Variants in SLC26A6 observed in about 807,000 individuals in gnomAD.
The protein encoded by SLC26A6 is solute carrier family 26 member 6.
SLC26A6 carries 67 observed loss-of-function variants against 87.1 expected under a neutral mutation model. That is an observed-to-expected ratio of 0.77 (90% confidence interval 0.63 to 0.94). The LOEUF (loss-of-function observed/expected upper bound fraction) is 0.94, where lower values mean the gene tolerates loss of function less well. Ranked by LOEUF, SLC26A6 falls within the 40% of genes least tolerant of loss-of-function variation. The probability of loss-of-function intolerance (pLI) is 0.00; values close to 1 mark genes in which losing one functional copy is unlikely to be tolerated. For synonymous variants in SLC26A6, 414 were observed against 405.9 expected (o/e 1.02, Z -0.24); for missense variants, 902 against 973.0 (o/e 0.93, Z 0.97).
At chr3:48,626,190 G>C (rs771488752) in intron 20 of SLC26A6, 28 bp downstream of exon 20, 50 of 1,613,738 alleles carry the variant, frequency 3.1e-5, no homozygotes, top group Non-Finnish European at 3.9e-5. Context: ...TAACAAAAAA[G>C]AGCTTGGCAG....
Position 48,633,620 on chromosome 3 carries a change from C to T in SLC26A6, c.39G>A (p.Gln13=). The T allele has an allele frequency of 6.2e-7, 1 of 1,613,520 alleles. No individual in the cohort carries two copies. Among genetic ancestry groups the T allele is most frequent in the Non-Finnish European group, 8.5e-7 (1 of 1,179,978 alleles). The stretch of plus-strand genomic sequence containing the variant: ...TTGCTTGTGTTGCAGACAGCAGTGC[C>T]TGTGTGTCCCTCGGTCTGGGGTGGC... ...LADASGPRDT[Q]ALLSATQAMD... The change falls in exon 2 of 21, where the codon CAG becomes CAA. Residue 13 remains glutamine, a synonymous_variant. Transcript: ENST00000395550.
chr3:48,633,929 T>G (rs1575532448), intron 1 of SLC26A6: 1 of 1,242,054 alleles, frequency 8.1e-7, no homozygotes, highest in Non-Finnish European at 1.0e-6. Context: ...CAGTGCTGAG[T>G]GTTCTACCAG....
chr3:48,632,221 C>T, intron 5 of SLC26A6, 24 bp downstream of exon 5: 1 of 1,571,816 alleles, frequency 6.4e-7, no homozygotes, highest in Non-Finnish European at 8.6e-7. Flanking sequence ...TGGTGGGGGG[C>T]ACATACTCCT....
chr3:48,626,514 C>T, intron 19 of SLC26A6, 117 bp downstream of exon 19: 1 of 1,544,070 alleles, frequency 6.5e-7, no homozygotes, highest in Non-Finnish European at 8.9e-7. Context: ...TCTCCCAGGA[C>T]ACCTCTGACC....
rs1480336219 is a variant in SLC26A6 at position 48,625,723 on chromosome 3, T to G, written c.*263A>C. 5.2e-6 allele frequency: 3 copies of G among 577,960 alleles called. No homozygotes were observed. Among genetic ancestry groups the G allele is most frequent in the East Asian group, 6.1e-5 (2 of 33,008 alleles). 35.8% of individuals were successfully genotyped at this position (577,960 alleles called of 1,614,324 possible). A position where few individuals can be genotyped will look rare whatever the true frequency, so the allele number is the denominator to read the frequency against. On this transcript the variant is annotated 3_prime_UTR_variant, in exon 21 of 21. Coordinates refer to ENST00000395550, the MANE Select transcript of SLC26A6 (RefSeq NM_022911.3). The surrounding 1 kb of genome is among the most constrained non-coding windows in gnomAD (Gnocchi z 4.7). The stretch of plus-strand genomic sequence containing the variant: ...CACCAAGCCACAGCAGAGACTGGAG[T>G]TGAGCAGACAAATCTTTATTCCTGA...
Position 48,629,881 on chromosome 3 carries a change from C to T in SLC26A6, c.1520G>A (p.Arg507Gln), listed in dbSNP as rs753265853. The T allele has an allele frequency of 4.6e-5, 75 of 1,613,966 alleles. No homozygotes were observed. The highest frequency in any genetic ancestry group is 1.4e-4 in the South Asian group (13 of 91,054). Residue 507 changes from arginine to glutamine, a missense_variant, in exon 13 of 21, where the codon CGG (arginine) becomes CAG (glutamine). Around this residue, in one of 3 missense-constraint regions of SLC26A6, gnomAD observed 800 missense variants for 856.8 expected, o/e 0.93. Coordinates refer to ENST00000395550, the MANE Select transcript of SLC26A6 (RefSeq NM_022911.3). ...VIFSLLLVVV[R>Q]TQMPHYSVLG... ...AACATGGCGGACTCACATCTGTGTC[C>T]GGACCACCACGAGCAGCAGGGAGAA...
Position 48,625,870 on chromosome 3 carries a change from G to T in SLC26A6, c.*116C>A. 7.5e-7 allele frequency: 1 copy of T among 1,335,174 alleles called. No homozygotes were observed. 82.7% of individuals were successfully genotyped at this position (1,335,174 alleles called of 1,614,324 possible). ...CCCAGGACCTCCTTCCCTGAGTTGTGTGTGTGTACATGGAGGGGACTCCTG... is the reference window on the plus strand; with the variant it reads ...CCCAGGACCTCCTTCCCTGAGTTGTTTGTGTGTACATGGAGGGGACTCCTG... On this transcript the variant is annotated 3_prime_UTR_variant, in exon 21 of 21. Transcript: ENST00000395550. The surrounding 1 kb of genome is among the most constrained non-coding windows in gnomAD (Gnocchi z 4.7).
Position 48,630,763 on chromosome 3 carries a change from G to A in SLC26A6, c.1135-43C>T, listed in dbSNP as rs1354017975. The A allele has an allele frequency of 4.5e-6, 7 of 1,561,750 alleles. No individual in the cohort carries two copies. In the African/African-American group the frequency reaches 5.4e-5, roughly 12 times the overall value. ...GGGTGTGAGAAGACTTCCTAGAAGT[G>A]GCTGGTCACTGTTCCACTGTATCTA... On this transcript the variant is annotated intron_variant, in intron 9 of 20. Transcript: ENST00000395550.
At chr3:48,634,891 C>G (rs1186795314) in intron 1 of SLC26A6, among the ~76,000 whole-genome samples, 1 of 152,194 alleles carries the variant, frequency 6.6e-6, no homozygotes, top group African/African-American at 2.4e-5. Context: ...CTCCCTCCCC[C>G]GACAACTTGG....
chr3:48,632,451 G>C, intron 4 of SLC26A6, 55 bp from the exon 5 acceptor site: 1 of 1,576,306 alleles, frequency 6.3e-7, no homozygotes. Flanking sequence ...CCCTGCCCTG[G>C]AGCCCTGGTC....
Position 48,625,800 on chromosome 3 carries a change from C to CTGCA in SLC26A6, c.*182_*185dup, listed in dbSNP as rs2046603793. On this transcript the variant is annotated 3_prime_UTR_variant, in exon 21 of 21. Transcript: ENST00000395550. This position sits in a 1 kb window ranked among gnomAD's most constrained non-coding sequence, Gnocchi z 4.7. ...CTGTACCGCGCCACTGCCAGCCTGA[C>CTGCA]TGCATGCAGGCCCTGTCCCAGACCT... The CTGCA allele has an allele frequency of 1.3e-4, 91 of 684,226 alleles. 1 individual carries two copies. The South Asian group carries it at 1.6e-3, about 12-fold the overall frequency. 42.4% of individuals were successfully genotyped at this position (684,226 alleles called of 1,614,324 possible). A position where few individuals can be genotyped will look rare whatever the true frequency, so the allele number is the denominator to read the frequency against.
intron 17 of SLC26A6, 30 bp downstream of exon 17, chr3:48,627,916 T>C (rs751344803): frequency 6.4e-7 from 1 of 1,570,726 alleles, no homozygotes. Context: ...AGCTCACAGC[T>C]GTCACCTCCT....
At position 48,635,267 on chromosome 3, in the gene SLC26A6, G is replaced by A; in HGVS notation, c.23+104C>T. 3.4e-6 allele frequency: 4 copies of A among 1,190,662 alleles called. No individual in the cohort carries two copies. The Admixed American group carries it at 9.2e-5, about 27-fold the overall frequency. 73.8% of individuals were successfully genotyped at this position (1,190,662 alleles called of 1,614,324 possible). A position where few individuals can be genotyped will look rare whatever the true frequency, so the allele number is the denominator to read the frequency against. ...AAAATCAGCAGAGGTAAACCGAGGC[G>A]TCGCAAGCGGAGAATGCCTGCTCCA... On this transcript the variant is annotated intron_variant, in intron 1 of 20. Transcript: ENST00000395550.
intron 3 of SLC26A6, 33 bp downstream of exon 3, chr3:48,633,218 G>C: frequency 6.9e-6 from 11 of 1,604,940 alleles, no homozygotes; most frequent in Non-Finnish European, 9.4e-6. Flanking sequence ...CAGACCACAG[G>C]GTTTCCAGGC....
At chr3:48,626,022 G>T (rs2046610055) in intron 20 of SLC26A6, 22 bp from the exon 21 acceptor site, 1 of 1,613,732 alleles carries the variant, frequency 6.2e-7, no homozygotes. Context: ...GAGGAGGGGA[G>T]GCTCTAGTCA....
At position 48,630,932 on chromosome 3, in the gene SLC26A6, C is replaced by A. The variant is rs565049634; in HGVS notation, c.1134+61G>T. 8.4e-5 allele frequency: 134 copies of A among 1,595,426 alleles called. 1 individual carries two copies. The South Asian group carries it at 1.2e-3, about 15-fold the overall frequency. ...CCCTGTGTCCCACCGGTTCCTCCCC[C>A]ACCCGTTGCTGGCGCCTCCATACAC... is the stretch of plus-strand genomic sequence containing the variant. On this transcript the variant is annotated intron_variant, in intron 9 of 20. Transcript: ENST00000395550.
chr3:48,633,609 G>T lies in SLC26A6; in HGVS notation c.50C>A (p.Ser17Tyr). The T allele has an allele frequency of 6.2e-7, 1 of 1,613,594 alleles. No individual in the cohort carries two copies. The highest frequency in any genetic ancestry group is 8.5e-7 in the Non-Finnish European group (1 of 1,179,994). Residue 17 changes from serine to tyrosine, a missense_variant, in exon 2 of 21, where the codon TCT becomes TAT. Ser to Tyr is a moderately radical substitution (Grantham distance 144). Coordinates refer to ENST00000395550, the MANE Select transcript of SLC26A6 (RefSeq NM_022911.3). ...SGPRDTQALL[S>Y]ATQAMDLRRR... ...CCGCAGGTCCATTGCTTGTGTTGCA[G>T]ACAGCAGTGCCTGTGTGTCCCTCGG... is the stretch of plus-strand genomic sequence containing the variant.
chr3:48,627,070 A>G lies in SLC26A6; in HGVS notation c.1894-15T>C. ...GAGCTCACCTGCTGGGGAGCCAGAC[A>G]TGCTGCCAGGGCCACCCATGAGAGA... On this transcript the variant is annotated splice_polypyrimidine_tract_variant and intron_variant, in intron 17 of 20. Transcript: ENST00000395550. 6.2e-7 allele frequency: 1 copy of G among 1,608,974 alleles called. No homozygotes were observed. Among genetic ancestry groups the G allele is most frequent in the Non-Finnish European group, 8.5e-7 (1 of 1,177,388 alleles).
At position 48,632,282 on chromosome 3, in the gene SLC26A6, A is replaced by C. The variant is rs1331186540; in HGVS notation, c.548T>G (p.Val183Gly). Residue 183 changes from valine to glycine, a missense_variant, in exon 5 of 21, where the codon GTG (valine) becomes GGG (glycine). By Grantham distance (109) the Val-to-Gly change is moderately radical. Around this residue, in one of 3 missense-constraint regions of SLC26A6, gnomAD observed 800 missense variants for 856.8 expected, o/e 0.93. Transcript: ENST00000395550. ...ETARDAARVQ[V>G]ASTLSVLVGL... ...AACCAGGACACTGAGTGTGGAGGCC[A>C]CCTGTACCCGGGCAGCATCTCTGGC... The C allele has an allele frequency of 1.2e-6, 2 of 1,611,794 alleles. No individual in the cohort carries two copies. Among genetic ancestry groups the C allele is most frequent in the Non-Finnish European group, 8.5e-7 (1 of 1,179,116 alleles).
Sources: gnomAD v4.1 joint callset for allele counts (sites outside exome capture counted in the v4.1 genomes callset) on GRCh38, gnomAD v4.1.1 for gene constraint, gnomAD v4.1.1 regional missense constraint, Gnocchi (gnomAD v3.1) non-coding constraint, MANE v1.5 for transcripts, NCBI Gene and HGNC (gene_info 2026-07-23, HGNC 2026-07-21) for gene names.